CDK8: variants seen among roughly 807,000 people sequenced by gnomAD.
The protein encoded by CDK8 is cyclin dependent kinase 8, also known as cyclin-dependent kinase 8.
A neutral mutation model predicts 71.5 loss-of-function variants in CDK8; 29 were observed. The ratio of observed to expected loss-of-function variants is 0.41; its 90% confidence interval spans 0.30 to 0.55. CDK8 has a LOEUF of 0.55. Ranked by LOEUF, CDK8 falls within the 20% of genes least tolerant of loss-of-function variation. The pLI is 0.37. For missense variants in CDK8, 288 were observed against 572.6 expected (o/e 0.50, Z 5.07); for synonymous variants, 161 against 192.1 (o/e 0.84, Z 1.34).
rs533400717 is a variant in CDK8, at chr13:26,269,548, G to GT, written c.128+14790dup. 8.5e-3 allele frequency among the ~76,000 whole-genome samples: 1,222 copies of GT among 143,062 alleles called. 6 individuals are homozygous for GT. The highest frequency in any genetic ancestry group is 9.2e-3 in the Non-Finnish European group (600 of 65,094). 93.9% of individuals were successfully genotyped at this position (143,062 alleles called of 152,430 possible). ...TACTTGATCTATTTCTCTTTAGATT[G>GT]TTTTTTTTTTTATGGGATCATTCTA... On this transcript the variant is annotated intron_variant, in intron 1 of 12. Coordinates refer to ENST00000381527, the MANE Select transcript of CDK8 (RefSeq NM_001260.3).
chr13:26,317,369 T>C (rs74040500), intron 1 of CDK8, among the ~76,000 whole-genome samples: 3,480 of 152,200 alleles, frequency 0.023, 134 homozygotes, highest in African/African-American at 0.08. Context: ...GATAATGAAG[T>C]TGGAGACTTA....
chr13:26,290,389 T>A (rs1423738288), intron 1 of CDK8, among the ~76,000 whole-genome samples: 1 of 151,988 alleles, frequency 6.6e-6, no homozygotes, highest in Non-Finnish European at 1.5e-5. Context: ...AGTGAAAGAG[T>A]GGGGATTGGA....
intron 1 of CDK8, among the ~76,000 whole-genome samples, chr13:26,317,045 T>C (rs552220271): frequency 6.6e-6 from 1 of 152,166 alleles, no homozygotes; most frequent in East Asian, 1.9e-4. Context: ...GGAAATGGTA[T>C]CAAGTATGAG....
At chr13:26,347,827 C>T (rs1044622457) in intron 2 of CDK8, among the ~76,000 whole-genome samples, 3 of 152,038 alleles carry the variant, frequency 2.0e-5, no homozygotes, top group African/African-American at 7.3e-5. Flanking sequence ...GAAATTGGAA[C>T]CTTCATACAT....
intron 1 of CDK8, among the ~76,000 whole-genome samples, chr13:26,258,492 G>GGTGTGTGT (rs56993639): frequency 0.029 from 4,264 of 147,496 alleles, 188 homozygotes; most frequent in African/African-American, 0.099. Flanking sequence ...TATCTAGAGG[G>GGTGTGTGT]GTGTGTGTGT....
intron 9 of CDK8, among the ~76,000 whole-genome samples, chr13:26,399,244 A>T (rs1198244977): frequency 6.6e-6 from 1 of 152,114 alleles, no homozygotes; most frequent in African/African-American, 2.4e-5. Flanking sequence ...TCCTGACCTC[A>T]GGTGATCCAT....
At chr13:26,334,108 A>G (rs1248552645) in intron 1 of CDK8, among the ~76,000 whole-genome samples, 2 of 152,146 alleles carry the variant, frequency 1.3e-5, no homozygotes, top group Admixed American at 6.5e-5. Flanking sequence ...CTACTTTTAT[A>G]AAGTAAAAAA....
intron 1 of CDK8, among the ~76,000 whole-genome samples, chr13:26,303,109 A>G (rs1873895033): frequency 6.6e-6 from 1 of 151,906 alleles, no homozygotes; most frequent in South Asian, 2.1e-4. Context: ...TTATGTATGC[A>G]TGTATATCTT....
chr13:26,336,714 C>T lies in CDK8; in HGVS notation c.129-853C>T, dbSNP rs140967253. ...GACTACAGGCGCCCGCCACCACACC[C>T]GGCTAATTGTTTTGTATTTTTAGTA... On this transcript the variant is annotated intron_variant, in intron 1 of 12. Coordinates refer to ENST00000381527, the MANE Select transcript of CDK8 (RefSeq NM_001260.3). 9.8e-3 allele frequency among the ~76,000 whole-genome samples: 1,491 copies of T among 152,134 alleles called. 24 individuals are homozygous for T. Among genetic ancestry groups the T allele is most frequent in the Admixed American group, 0.037 (569 of 15,278 alleles).
chr13:26,398,737 G>T (rs1876108340), intron 9 of CDK8, among the ~76,000 whole-genome samples: 1 of 152,076 alleles, frequency 6.6e-6, no homozygotes, highest in Admixed American at 6.5e-5. Flanking sequence ...ACTTTGGGAG[G>T]CCGAGGCGGG....
In CDK8 at chr13:26,397,239, A is replaced by G. The variant is rs747940013; in HGVS notation, c.933+14A>G. On this transcript the variant is annotated intron_variant, in intron 9 of 12. Transcript: ENST00000381527. ...GCATTCCACTTGGTAAGCATTGGTTAACAGTATTAATGAAATGCATTTTTT... is the reference window on the plus strand; with the variant it reads ...GCATTCCACTTGGTAAGCATTGGTTGACAGTATTAATGAAATGCATTTTTT... 41 of 1,529,980 alleles carry G rather than the reference A, an allele frequency of 2.7e-5. No homozygotes were observed. Among genetic ancestry groups the G allele is most frequent in the Non-Finnish European group, 3.4e-5 (38 of 1,109,444 alleles). 94.8% of individuals were successfully genotyped at this position (1,529,980 alleles called of 1,614,324 possible).
chr13:26,256,738 C>G (rs1388133568), intron 1 of CDK8, among the ~76,000 whole-genome samples: 2 of 152,126 alleles, frequency 1.3e-5, no homozygotes, highest in African/African-American at 4.8e-5. Flanking sequence ...TCTTAGTCAT[C>G]TGTGACAGCT....
chr13:26,361,783 C>CTTTTTTTTT lies in CDK8; in HGVS notation c.456+7903_456+7904insTTTTTTTTT, dbSNP rs1201582663. ...TTCTTTTTGTCTTTCTTTTCTTTTC[C>CTTTTTTTTT]CTTTTTTTTTTTTTTTTTTTTTTTT... is the stretch of plus-strand genomic sequence containing the variant. On this transcript the variant is annotated intron_variant, in intron 4 of 12. Transcript: ENST00000381527. Among the ~76,000 whole-genome samples, 11 of 112,222 alleles carry CTTTTTTTTT rather than the reference C, an allele frequency of 9.8e-5. 1 individual carries two copies. The highest frequency in any genetic ancestry group is 1.4e-4 in the Non-Finnish European group (8 of 57,324). The allele number at this position is 112,222 out of a possible 152,430, so 73.6% of individuals were successfully genotyped here. A position where few individuals can be genotyped will look rare whatever the true frequency, so the allele number is the denominator to read the frequency against.
At chr13:26,336,411 A>G (rs533565492) in intron 1 of CDK8, among the ~76,000 whole-genome samples, 44 of 152,264 alleles carry the variant, frequency 2.9e-4, no homozygotes, top group African/African-American at 9.9e-4. Flanking sequence ...TAAAATTTGT[A>G]TAGGATATAA....
At position 26,393,550 on chromosome 13, in the gene CDK8, G is replaced by A. The variant is rs143032653; in HGVS notation, c.790+40G>A. 1.0e-4 allele frequency: 160 copies of A among 1,602,472 alleles called. No homozygotes were observed. In the African/African-American group the frequency reaches 1.9e-3, roughly 19 times the overall value. On this transcript the variant is annotated intron_variant, in intron 7 of 12. Transcript: ENST00000381527. ...TTTTTGTTTTTGTTTTTAAATCACTGTTGTTTGAACTTAGATGTCTTCGTT... is the reference window on the plus strand; with the variant it reads ...TTTTTGTTTTTGTTTTTAAATCACTATTGTTTGAACTTAGATGTCTTCGTT...
At chr13:26,352,905 G>A (rs1873741506) in intron 3 of CDK8, among the ~76,000 whole-genome samples, 1 of 152,070 alleles carries the variant, frequency 6.6e-6, no homozygotes, top group Non-Finnish European at 1.5e-5. Context: ...CTAATTTCAA[G>A]AACATGCTTA....
intron 1 of CDK8, among the ~76,000 whole-genome samples, chr13:26,311,681 C>T (rs1037842133): frequency 2.6e-5 from 4 of 152,146 alleles, no homozygotes; most frequent in African/African-American, 4.8e-5. Context: ...GTAAGCCTCC[C>T]GCTTCATCTC....
At chr13:26,290,052 T>C (rs752452518) in intron 1 of CDK8, among the ~76,000 whole-genome samples, 14 of 152,210 alleles carry the variant, frequency 9.2e-5, no homozygotes, top group Non-Finnish European at 8.8e-5. Context: ...GACTTTATCA[T>C]GTATAGGTAG....
intron 1 of CDK8, among the ~76,000 whole-genome samples, chr13:26,292,178 T>C (rs1411506829): frequency 1.3e-5 from 2 of 152,196 alleles, no homozygotes; most frequent in African/African-American, 2.4e-5. Context: ...TGTATGTGTA[T>C]ATCAGTGGCT....
Sources: gnomAD v4.1 joint callset for allele counts (sites outside exome capture counted in the v4.1 genomes callset) on GRCh38, gnomAD v4.1.1 for gene constraint, MANE v1.5 for transcripts, NCBI Gene and HGNC (gene_info 2026-07-23, HGNC 2026-07-21) for gene names.